The following IL34 variants were observed in gnomAD, a reference collection of about 807,000 sequenced individuals.
IL34 encodes interleukin 34.
Under a neutral mutation model 25.3 loss-of-function variants are expected in IL34, and 17 were observed. The ratio of observed to expected loss-of-function variants is 0.67; its 90% confidence interval spans 0.46 to 1.01. The LOEUF is 1.01. IL34 is among the 50% of genes least tolerant of loss of function. The pLI is 0.00. For missense variants in IL34, 368 were observed against 312.9 expected, an observed-to-expected ratio of 1.18 and a Z score of -1.33; for synonymous variants, 174 against 140.9, an observed-to-expected ratio of 1.23 and a Z score of -1.66.
At chr16:70,632,892 C>T (rs977280143) in intron 1 of IL34, among the ~76,000 whole-genome samples, 1 of 152,124 alleles carries the variant, frequency 6.6e-6, no homozygotes, top group African/African-American at 2.4e-5. Flanking sequence ...CTTGCTGTTT[C>T]CAACCAGCAA....
chr16:70,630,356 C>T (rs911738184), intron 1 of IL34, among the ~76,000 whole-genome samples: 4 of 152,078 alleles, frequency 2.6e-5, no homozygotes, highest in Non-Finnish European at 5.9e-5. Context: ...CTCAACCTCC[C>T]GAGTAGCTGG....
intron 1 of IL34, among the ~76,000 whole-genome samples, chr16:70,636,536 G>A (rs769001436): frequency 1.3e-5 from 2 of 151,880 alleles, no homozygotes; most frequent in East Asian, 3.9e-4. Context: ...CACTTGGGGA[G>A]GCTGAGACCA....
intron 1 of IL34, among the ~76,000 whole-genome samples, chr16:70,623,834 C>G (rs2051331076): frequency 6.6e-6 from 1 of 150,676 alleles, no homozygotes; most frequent in Non-Finnish European, 1.5e-5. Flanking sequence ...TAAGTTGGCA[C>G]CAGAGTTGGG....
At chr16:70,626,453 A>T (rs2051395738) in intron 1 of IL34, among the ~76,000 whole-genome samples, 1 of 152,238 alleles carries the variant, frequency 6.6e-6, no homozygotes, top group South Asian at 2.1e-4. Context: ...CTGGAATGGA[A>T]TGGTGCAATC....
At chr16:70,581,608 G>A (rs763422328) in intron 1 of IL34, among the ~76,000 whole-genome samples, 2 of 152,084 alleles carry the variant, frequency 1.3e-5, no homozygotes. Context: ...GGCTGGGCAG[G>A]GGATTTGAGA....
At chr16:70,584,460 GC>G (rs1015507174) in intron 1 of IL34, among the ~76,000 whole-genome samples, 1 of 152,184 alleles carries the variant, frequency 6.6e-6, no homozygotes, top group Non-Finnish European at 1.5e-5. Flanking sequence ...AATTGGAAAG[GC>G]CAAAGACTTC....
At chr16:70,625,472 T>C (rs2051372032) in intron 1 of IL34, among the ~76,000 whole-genome samples, 1 of 151,372 alleles carries the variant, frequency 6.6e-6, no homozygotes, top group Non-Finnish European at 1.5e-5. Flanking sequence ...TGAGGGGTAC[T>C]TGCCCCTTCC....
At chr16:70,613,773 C>T (rs557535598) in intron 1 of IL34, among the ~76,000 whole-genome samples, 1 of 152,058 alleles carries the variant, frequency 6.6e-6, no homozygotes, top group East Asian at 1.9e-4. Context: ...ACTTGGGAAG[C>T]TGAGGCAGGA....
At chr16:70,602,385 G>T (rs375245536) in intron 1 of IL34, among the ~76,000 whole-genome samples, 1 of 152,020 alleles carries the variant, frequency 6.6e-6, no homozygotes, top group Non-Finnish European at 1.5e-5. Flanking sequence ...AAATGAGGGT[G>T]AGCCGGGAAC....
chr16:70,654,821 A>C (rs1597781354), intron 2 of IL34, 150 bp downstream of exon 2: 2 of 1,006,486 alleles, frequency 2.0e-6, no homozygotes, highest in East Asian at 2.7e-5. Context: ...AAACCTACCC[A>C]TGCACCTGGT....
At chr16:70,630,611 T>C (rs1170052860) in intron 1 of IL34, among the ~76,000 whole-genome samples, 1 of 151,034 alleles carries the variant, frequency 6.6e-6, no homozygotes, top group Admixed American at 6.6e-5. Context: ...TAGGGTCTCA[T>C]TCTGTCACCC....
chr16:70,647,016 C>G (rs1008592266), intron 1 of IL34, 41 bp downstream of exon 1: 1 of 1,431,620 alleles, frequency 7.0e-7, no homozygotes, highest in African/African-American at 1.5e-5. Context: ...ATTGGGAGGC[C>G]TTGGCCTAGA....
intron 1 of IL34, among the ~76,000 whole-genome samples, chr16:70,618,245 A>G (rs1176169331): frequency 4.6e-5 from 7 of 151,938 alleles, no homozygotes; most frequent in African/African-American, 1.7e-4. Flanking sequence ...ATCAAGCGTG[A>G]TCAGGGTGAG....
chr16:70,594,307 T>C (rs537624729), intron 1 of IL34, among the ~76,000 whole-genome samples: 54 of 152,370 alleles, frequency 3.5e-4, no homozygotes, highest in Admixed American at 2.5e-3. Flanking sequence ...GGTTGTATAG[T>C]ACTCCTCATA....
chr16:70,657,326 C>T (rs1310843770), intron 4 of IL34: 13 of 580,958 alleles, frequency 2.2e-5, no homozygotes, highest in Middle Eastern at 4.6e-4. Context: ...TCATGAGAGC[C>T]GGGCTCGGGG....
intron 1 of IL34, among the ~76,000 whole-genome samples, chr16:70,592,897 C>A (rs2050772695): frequency 1.3e-5 from 2 of 152,244 alleles, no homozygotes; most frequent in Admixed American, 1.3e-4. Flanking sequence ...TAATGATCTG[C>A]CCGCCTCGGC....
chr16:70,616,877 G>A (rs1278535662), intron 1 of IL34, among the ~76,000 whole-genome samples: 2 of 152,212 alleles, frequency 1.3e-5, no homozygotes, highest in East Asian at 3.8e-4. Flanking sequence ...GCAAGTCACA[G>A]GGGATGCGAT....
chr16:70,618,387 G>A (rs1325611070), intron 1 of IL34, among the ~76,000 whole-genome samples: 10 of 152,148 alleles, frequency 6.6e-5, no homozygotes, highest in African/African-American at 2.4e-4. Flanking sequence ...AGGAACAACG[G>A]TAATTGTGGG....
At chr16:70,604,051 C>G (rs998674301) in intron 1 of IL34, among the ~76,000 whole-genome samples, 2 of 152,198 alleles carry the variant, frequency 1.3e-5, no homozygotes, top group African/African-American at 4.8e-5. Flanking sequence ...AGTGGGGCTG[C>G]TGTTCCAGTG....
Sources: allele counts gnomAD v4.1 joint callset (sites outside exome capture counted in the v4.1 genomes callset), GRCh38; gene constraint gnomAD v4.1.1; transcripts MANE v1.5; gene names NCBI Gene and HGNC (gene_info 2026-07-23, HGNC 2026-07-21).